The following MAMLD1 variants were observed in gnomAD, a reference collection of about 807,000 sequenced individuals.
MAMLD1 encodes mastermind-like domain-containing protein 1.
MAMLD1 carries 14 observed loss-of-function variants against 45.0 expected under a neutral mutation model. The ratio of observed to expected loss-of-function variants is 0.31; its 90% CI spans 0.21 to 0.49. The LOEUF is 0.49. Among genes scored for constraint, MAMLD1 ranks in the 20% least tolerant of loss-of-function variants. The pLI, the probability that MAMLD1 is intolerant of heterozygous loss-of-function variation, is 0.99. For missense variants in MAMLD1, 543 were observed against 603.6 expected (o/e 0.90, Z 1.05); for synonymous variants, 254 against 247.8 (o/e 1.02, Z -0.24).
intron 1 of MAMLD1, among the ~76,000 whole-genome samples, chrX:150,367,398 A>G (rs144418755): frequency 1.1e-3 from 123 of 111,472 alleles, no homozygotes; most frequent in East Asian, 2.5e-3. Context: ...TTTTAAATTG[A>G]TCACCTAAAG....
chrX:150,376,505 C>T, intron 1 of MAMLD1, among the ~76,000 whole-genome samples: 1 of 110,766 alleles, frequency 9.0e-6, no homozygotes, highest in Non-Finnish European at 1.9e-5. Context: ...CCAGGAGGCC[C>T]AGCTTGCAAC....
At chrX:150,398,334 A>G (rs1024425430) in intron 1 of MAMLD1, among the ~76,000 whole-genome samples, 1 of 74,436 alleles carries the variant, frequency 1.3e-5, no homozygotes, top group African/African-American at 5.0e-5. Context: ...AAGAAGAAGA[A>G]GAAGAAGAGG....
chrX:150,413,915 A>G (rs1337202958), intron 1 of MAMLD1, among the ~76,000 whole-genome samples: 1 of 106,348 alleles, frequency 9.4e-6, no homozygotes, highest in African/African-American at 3.4e-5. Context: ...CTGCCTGGTC[A>G]TCGATGGCCA....
chrX:150,413,175 C>T (rs143019299), intron 1 of MAMLD1, among the ~76,000 whole-genome samples: 165 of 111,704 alleles, frequency 1.5e-3, no homozygotes, highest in Middle Eastern at 4.6e-3. Flanking sequence ...ATCAGATCAC[C>T]GCTCCTACTT....
intron 5 of MAMLD1, among the ~76,000 whole-genome samples, chrX:150,496,286 G>A (rs1011897467): frequency 1.2e-4 from 14 of 112,377 alleles, no homozygotes; most frequent in East Asian, 2.8e-4. Flanking sequence ...TAGTATTTGC[G>A]GTTAAGAGCC....
rs781847248 is a variant in MAMLD1 at position 150,460,815 on chromosome X, C to T, written c.97-1957C>T. ...GGCTCCTTATTGCCCCAGCTTAGCT[C>T]TACCAGATGTCCTGTCCCTGAAATG... On this transcript the variant is annotated intron_variant, in intron 2 of 7. Transcript: ENST00000370401. 3.6e-5 allele frequency among the ~76,000 whole-genome samples: 4 copies of T among 112,326 alleles called. No individual in the cohort carries two copies. In the East Asian group the frequency reaches 1.1e-3, roughly 32 times the overall value.
At chrX:150,409,420 T>C (rs1557402766) in intron 1 of MAMLD1, among the ~76,000 whole-genome samples, 2 of 110,523 alleles carry the variant, frequency 1.8e-5, no homozygotes, top group East Asian at 5.7e-4. Flanking sequence ...AAGCTCGCGA[T>C]TGGAGGCCCG....
intron 7 of MAMLD1, among the ~76,000 whole-genome samples, chrX:150,510,696 T>G (rs1557409082): frequency 8.9e-6 from 1 of 112,182 alleles, no homozygotes. Flanking sequence ...TACGCACCAG[T>G]GGGATGAGAT....
At chrX:150,416,271 C>T (rs975900085) in intron 1 of MAMLD1, among the ~76,000 whole-genome samples, 12 of 111,574 alleles carry the variant, frequency 1.1e-4, no homozygotes, top group South Asian at 3.8e-4. Context: ...GCTTGGGACT[C>T]GGCAGGTTCT....
chrX:150,432,360 G>A (rs1037734889), intron 1 of MAMLD1, among the ~76,000 whole-genome samples: 15 of 111,853 alleles, frequency 1.3e-4, no homozygotes, highest in Non-Finnish European at 3.8e-5. Context: ...GTCCCATTTC[G>A]TAGGTTATCT....
At chrX:150,421,637 C>G (rs1170278265) in intron 1 of MAMLD1, among the ~76,000 whole-genome samples, 1 of 112,201 alleles carries the variant, frequency 8.9e-6, no homozygotes, top group Non-Finnish European at 1.9e-5. Context: ...ATAGGGACAT[C>G]CCCTCAAAAT....
chrX:150,504,609 G>A lies in MAMLD1; in HGVS notation c.2284+1092G>A, dbSNP rs2037668131. On this transcript the variant is annotated intron_variant, in intron 6 of 7. Coordinates refer to ENST00000370401, the MANE Select transcript of MAMLD1 (RefSeq NM_005491.5). Reference sequence around the variant, plus strand: ...AAACAGAATTAGCAAAACGGACGTCGTCCCCTCAGGATGTCGCTGTTTCCA... The same window carrying A: ...AAACAGAATTAGCAAAACGGACGTCATCCCCTCAGGATGTCGCTGTTTCCA... The A allele has an allele frequency of 3.5e-5, 19 of 538,486 alleles. No individual in the cohort carries two copies. The South Asian group carries it at 9.6e-4, about 27-fold the overall frequency. 44.4% of individuals were successfully genotyped at this position (538,486 alleles called of 1,213,427 possible).
At chrX:150,474,469 G>T (rs1482923114) in intron 5 of MAMLD1, among the ~76,000 whole-genome samples, 1 of 112,271 alleles carries the variant, frequency 8.9e-6, no homozygotes, top group African/African-American at 3.2e-5. Context: ...TGCTGACAAG[G>T]GATTTGCTGT....
intron 1 of MAMLD1, among the ~76,000 whole-genome samples, chrX:150,442,719 T>C (rs1384430900): frequency 8.9e-6 from 1 of 112,081 alleles, no homozygotes; most frequent in African/African-American, 3.2e-5. Flanking sequence ...TCCATTATAT[T>C]TACCCATAAT....
At chrX:150,383,880 C>A (rs1285064958) in intron 1 of MAMLD1, among the ~76,000 whole-genome samples, 4 of 111,633 alleles carry the variant, frequency 3.6e-5, no homozygotes, top group African/African-American at 1.3e-4. Context: ...TTGTGACTGA[C>A]TTCTTTCCCT....
At chrX:150,414,457 T>A (rs1439029631) in intron 1 of MAMLD1, among the ~76,000 whole-genome samples, 5 of 111,189 alleles carry the variant, frequency 4.5e-5, no homozygotes, top group Non-Finnish European at 9.4e-5. Flanking sequence ...GATAATGGAT[T>A]AACACCCTCC....
Position 150,424,279 on chromosome X carries a change from G to A in MAMLD1, c.-63-21175G>A, listed in dbSNP as rs782392387. On this transcript the variant is annotated intron_variant, in intron 1 of 7. Coordinates refer to ENST00000370401, the MANE Select transcript of MAMLD1 (RefSeq NM_005491.5). ...ATTATGGGATACCTGTACTTGCCAG[G>A]AAGTCCTGGCCTCAAGCTGATTCAT... Among the ~76,000 whole-genome samples the A allele has an allele frequency of 1.9e-4, 21 of 112,737 alleles. 1 individual carries two copies. The South Asian group carries it at 7.7e-3, about 41-fold the overall frequency.
chrX:150,366,811 A>C (rs782351391), intron 1 of MAMLD1, among the ~76,000 whole-genome samples: 4 of 110,980 alleles, frequency 3.6e-5, no homozygotes, highest in Non-Finnish European at 5.7e-5. Flanking sequence ...CTGAAGTAAG[A>C]ATGTTGCTCA....
intron 1 of MAMLD1, among the ~76,000 whole-genome samples, chrX:150,368,500 G>A (rs1206883892): frequency 1.3e-4 from 14 of 108,747 alleles, no homozygotes; most frequent in South Asian, 4.0e-4. Flanking sequence ...ATTTTCTCCC[G>A]TTCTGTAGGT....
Sources: allele counts gnomAD v4.1 joint callset (sites outside exome capture counted in the v4.1 genomes callset), GRCh38; gene constraint gnomAD v4.1.1; transcripts MANE v1.5; gene names NCBI Gene and HGNC (gene_info 2026-07-23, HGNC 2026-07-21).